BOD1L1: variants seen among roughly 807,000 people sequenced by gnomAD.
BOD1L1 encodes the protein biorientation of chromosomes in cell division 1 like 1.
In BOD1L1, 86 loss-of-function variants were observed where a neutral mutation model predicts 240.7. The observed-to-expected ratio is 0.36, with a 90% CI of 0.30 to 0.43. The LOEUF (loss-of-function observed/expected upper bound fraction) is 0.43, where lower values mean the gene tolerates loss of function less well. Ranked by LOEUF, BOD1L1 falls within the 20% of genes least tolerant of loss-of-function variation. The pLI is 1.00. For synonymous variants in BOD1L1, 1,268 were observed against 1,272.3 expected (o/e 1.00, Z 0.07); for missense variants, 3,554 against 3,643.5 (o/e 0.98, Z 0.63).
chr4:13,588,717 T>C lies in BOD1L1; in HGVS notation c.8280+5A>G. 1 of 1,588,600 alleles carries C rather than the reference T, an allele frequency of 6.3e-7. No individual in the cohort carries two copies. Among genetic ancestry groups the C allele is most frequent in the South Asian group, 1.2e-5 (1 of 86,200 alleles). Reference sequence around the variant, plus strand: ...TATCAAACACTTGAGTTTATTAAAATGCACCTCTTTAGGATCTGCTTCAAC... The same window carrying C: ...TATCAAACACTTGAGTTTATTAAAACGCACCTCTTTAGGATCTGCTTCAAC... On this transcript the variant is annotated splice_donor_5th_base_variant and intron_variant, in intron 15 of 25. Coordinates refer to ENST00000040738, the MANE Select transcript of BOD1L1 (RefSeq NM_148894.3).
At chr4:13,576,781 A>G (rs2052159) in intron 25 of BOD1L1, 57 bp downstream of exon 25, 1,555,913 of 1,558,872 alleles carry the variant, frequency 1, 776,522 homozygotes, top group East Asian at 1. Context: ...ACCCAGAGCA[A>G]TTTTCAGATG....
intron 25 of BOD1L1, among the ~76,000 whole-genome samples, chr4:13,571,253 G>C (rs1057139359): frequency 6.6e-6 from 1 of 152,212 alleles, no homozygotes; most frequent in Non-Finnish European, 1.5e-5. Context: ...CACATGGCAA[G>C]CGGGCAGTAA....
intron 25 of BOD1L1, 144 bp from the exon 26 acceptor site, chr4:13,570,272 T>G: frequency 5.5e-6 from 3 of 542,214 alleles, no homozygotes; most frequent in East Asian, 3.6e-5. Flanking sequence ...GAAAAGGAGC[T>G]ACCTCGCGAA....
chr4:13,597,260 T>C (rs765373820), intron 10 of BOD1L1, 92 bp from the exon 11 acceptor site: 31 of 910,632 alleles, frequency 3.4e-5, no homozygotes, highest in South Asian at 8.6e-5. Context: ...TTATCTGACA[T>C]GCTGTTGCAC....
At position 13,613,389 on chromosome 4, in the gene BOD1L1, T is replaced by C. The variant is rs939994778; in HGVS notation, c.1324+123A>G. The C allele has an allele frequency of 2.6e-5, 25 of 948,146 alleles. No individual in the cohort carries two copies. The highest frequency in any genetic ancestry group is 3.7e-5 in the Non-Finnish European group (25 of 670,834). 58.7% of individuals were successfully genotyped at this position (948,146 alleles called of 1,614,324 possible). On this transcript the variant is annotated intron_variant, in intron 5 of 25. Coordinates refer to ENST00000040738, the MANE Select transcript of BOD1L1 (RefSeq NM_148894.3). The surrounding 1 kb of genome is among the most constrained non-coding windows in gnomAD (Gnocchi z 4.0). ...GGAGCTGGGACTCAGAAACAAATCT[T>C]CCAACTACAAAATCCCATGCTCTTG...
In BOD1L1 at chr4:13,604,333, C is replaced by T. The variant is rs146149221; in HGVS notation, c.2567G>A (p.Gly856Asp). 4 of 1,582,542 alleles carry T rather than the reference C, an allele frequency of 2.5e-6. No homozygotes were observed. Among genetic ancestry groups the T allele is most frequent in the African/African-American group, 1.4e-5 (1 of 72,944 alleles). Residue 856 changes from glycine (G) to aspartate (D), a missense_variant, in exon 10 of 26, where the codon GGT becomes GAT. Gly to Asp is a moderately conservative substitution (Grantham distance 94). Transcript: ENST00000040738. ...SDSKIQKDSLGSKQHGITLQR... is the reference protein window; with the variant it reads ...SDSKIQKDSLDSKQHGITLQR... ...TAATGTGATACCATGTTGCTTGGAA[C>T]CCAGAGAATCTTTCTGAATTTTAGA... is the stretch of plus-strand genomic sequence containing the variant.
In BOD1L1 at chr4:13,613,902, C is replaced by G. The variant is rs34884297; in HGVS notation, c.1175-241G>C. On this transcript the variant is annotated intron_variant, in intron 4 of 25. Coordinates refer to ENST00000040738, the MANE Select transcript of BOD1L1 (RefSeq NM_148894.3). This position sits in a 1 kb window ranked among gnomAD's most constrained non-coding sequence, Gnocchi z 4.0. Reference sequence around the variant, plus strand: ...GAATTTTAAGTAACTGAAGTATTTACTACCTAATAAAAATTAGGATATCCA... The same window carrying G: ...GAATTTTAAGTAACTGAAGTATTTAGTACCTAATAAAAATTAGGATATCCA... Among the ~76,000 whole-genome samples the G allele has an allele frequency of 3.8e-3, 576 of 152,160 alleles. 2 individuals carry two copies. Among genetic ancestry groups the G allele is most frequent in the Non-Finnish European group, 7.0e-3 (477 of 67,994 alleles).
At chr4:13,589,871 A>C (rs1213085527) in intron 14 of BOD1L1, among the ~76,000 whole-genome samples, 1 of 152,242 alleles carries the variant, frequency 6.6e-6, no homozygotes, top group African/African-American at 2.4e-5. Flanking sequence ...TATAATAGGA[A>C]ATTAACAAAA....
At position 13,627,447 on chromosome 4, in the gene BOD1L1, G is replaced by C; in HGVS notation, c.141C>G (p.Gly47=). Reference sequence around the variant, plus strand: ...TGGCCACGAGCTGCGGGTCCCCGGCGCCCGCACCCGCGCCGCCCGCCCCGC... The same window carrying C: ...TGGCCACGAGCTGCGGGTCCCCGGCCCCCGCACCCGCGCCGCCCGCCCCGC... ...GAGGAGGAGA[G]AGDPQLVAMI... is the part of the protein sequence containing the mutation. Residue 47 remains glycine, a synonymous_variant, in exon 1 of 26, where the codon GGC becomes GGG. Coordinates refer to ENST00000040738, the MANE Select transcript of BOD1L1 (RefSeq NM_148894.3). 1 of 1,239,412 alleles carries C rather than the reference G, an allele frequency of 8.1e-7. No individual in the cohort carries two copies. Among genetic ancestry groups the C allele is most frequent in the Non-Finnish European group, 1.0e-6 (1 of 976,944 alleles). The allele number at this position is 1,239,412 out of a possible 1,614,324, so 76.8% of individuals were successfully genotyped here.
chr4:13,627,387 G>T lies in BOD1L1; in HGVS notation c.201C>A (p.Phe67Leu). 1 of 1,381,600 alleles carries T rather than the reference G, an allele frequency of 7.2e-7. No individual in the cohort carries two copies. The highest frequency in any genetic ancestry group is 9.5e-7 in the Non-Finnish European group (1 of 1,055,992). 85.6% of individuals were successfully genotyped at this position (1,381,600 alleles called of 1,614,324 possible). ...IVNHLKSQGL[F>L]DQFRRDCLAD... Reference sequence around the variant, plus strand: ...CCAGGCAGTCTCTGCGGAACTGGTCGAAGAGCCCCTGGCTCTTGAGGTGGT... The same window carrying T: ...CCAGGCAGTCTCTGCGGAACTGGTCTAAGAGCCCCTGGCTCTTGAGGTGGT... Residue 67 changes from phenylalanine (F) to leucine (L), a missense_variant, in exon 1 of 26, where the codon TTC (phenylalanine) becomes TTA (leucine). Physicochemically the swap from Phe to Leu is conservative, Grantham distance 22. Transcript: ENST00000040738.
chr4:13,627,153 G>A (rs1717457632), intron 1 of BOD1L1, among the ~76,000 whole-genome samples, 192 bp downstream of exon 1: 2 of 152,186 alleles, frequency 1.3e-5, no homozygotes, highest in Non-Finnish European at 2.9e-5. Context: ...CCGAAACCAT[G>A]ACTGGCACGT....
chr4:13,600,179 C>G lies in BOD1L1; in HGVS notation c.6721G>C (p.Glu2241Gln). 1 of 1,613,986 alleles carries G rather than the reference C, an allele frequency of 6.2e-7. No homozygotes were observed. Among genetic ancestry groups the G allele is most frequent in the Non-Finnish European group, 8.5e-7 (1 of 1,179,900 alleles). ...VSGVVVESEN[E>Q]RAGTVMEEKD... ...TCTTCCATGACTGTGCCAGCTCGCTCATTTTCACTTTCAACAACTACACCG... is the reference window on the plus strand; with the variant it reads ...TCTTCCATGACTGTGCCAGCTCGCTGATTTTCACTTTCAACAACTACACCG... Residue 2241 changes from glutamate (E) to glutamine (Q), a missense_variant, in exon 10 of 26, where the codon GAG becomes CAG. By Grantham distance (29) the Glu-to-Gln change is conservative (BLOSUM62 2). Around this residue, in one of 2 missense-constraint regions of BOD1L1, gnomAD observed 3,393 missense variants for 3,427.1 expected, o/e 0.99. Transcript: ENST00000040738.
rs1001746735 is a variant in BOD1L1, at chr4:13,608,106, G to A, written c.1742+424C>T. ...GGAATCTGGCCCAGATTCTGGGTTGGGGGAGAATCATGGAATACTGGTAAA... is the reference window on the plus strand; with the variant it reads ...GGAATCTGGCCCAGATTCTGGGTTGAGGGAGAATCATGGAATACTGGTAAA... On this transcript the variant is annotated intron_variant, in intron 8 of 25. Transcript: ENST00000040738. Among the ~76,000 whole-genome samples the A allele has an allele frequency of 3.9e-5, 6 of 152,232 alleles. No individual in the cohort carries two copies. The East Asian group carries it at 5.8e-4, about 15-fold the overall frequency.
chr4:13,569,019 T>C lies in BOD1L1; in HGVS notation c.*992A>G, dbSNP rs1004776800. 2.0e-5 allele frequency: 3 copies of C among 152,202 alleles called. No homozygotes were observed. The South Asian group carries it at 6.2e-4, about 32-fold the overall frequency. The allele number at this position is 152,202 out of a possible 1,614,324, so 9.4% of individuals were successfully genotyped here. The stretch of plus-strand genomic sequence containing the variant: ...GTTTGCTCATATGAGAGTTAAAACA[T>C]GTTTAAAAAAACACTTGGCAATAAA... On this transcript the variant is annotated 3_prime_UTR_variant, in exon 26 of 26. Coordinates refer to ENST00000040738, the MANE Select transcript of BOD1L1 (RefSeq NM_148894.3).
rs781454552 is a variant in BOD1L1, at chr4:13,601,004, C to G, written c.5896G>C (p.Asp1966His). Reference protein sequence around the residue: ...SSVTSAVSGKDEVTPVPGGCE... With the variant: ...SSVTSAVSGKHEVTPVPGGCE... ...CCTCCTGGAACTGGTGTCACTTCAT[C>G]CTTTCCTGAGACTGCACTGGTCACA... Residue 1966 changes from aspartate (D) to histidine (H), a missense_variant, in exon 10 of 26, where the codon GAT becomes CAT. Coordinates refer to ENST00000040738, the MANE Select transcript of BOD1L1 (RefSeq NM_148894.3). The G allele has an allele frequency of 6.2e-7, 1 of 1,614,044 alleles. No homozygotes were observed. Among genetic ancestry groups the G allele is most frequent in the South Asian group, 1.1e-5 (1 of 91,084 alleles).
At chr4:13,623,043 C>T (rs2109001365) in intron 1 of BOD1L1, among the ~76,000 whole-genome samples, 1 of 152,322 alleles carries the variant, frequency 6.6e-6, no homozygotes, top group South Asian at 2.1e-4. Context: ...TGCATTGCCC[C>T]TTCAATTCCT....
At chr4:13,593,194 G>A (rs1714353736) in intron 12 of BOD1L1, 1 of 152,038 alleles carries the variant, frequency 6.6e-6, no homozygotes, top group Non-Finnish European at 1.5e-5. Flanking sequence ...AAGCCTTTTG[G>A]ATTAGGGATA....
intron 1 of BOD1L1, chr4:13,624,372 A>C (rs1461025168): frequency 1.3e-5 from 2 of 152,188 alleles, no homozygotes; most frequent in Non-Finnish European, 2.9e-5. Flanking sequence ...TTTCATAATT[A>C]TTAAATAGTA....
At chr4:13,616,771 A>C (rs1253093760) in intron 2 of BOD1L1, among the ~76,000 whole-genome samples, 1 of 152,176 alleles carries the variant, frequency 6.6e-6, no homozygotes, top group Admixed American at 6.5e-5. Context: ...AATTCTACTT[A>C]TGTGGGCCAT....
Sources: allele counts gnomAD v4.1 joint callset (sites outside exome capture counted in the v4.1 genomes callset), GRCh38; gene constraint gnomAD v4.1.1; regional missense constraint gnomAD v4.1.1; non-coding constraint Gnocchi (gnomAD v3.1); transcripts MANE v1.5; gene names NCBI Gene and HGNC (gene_info 2026-07-23, HGNC 2026-07-21).